ZNF707: variants seen among roughly 807,000 people sequenced by gnomAD.
ZNF707 encodes the protein zinc finger protein 707.
A neutral mutation model predicts 13.3 loss-of-function variants in ZNF707; 8 were observed. The observed-to-expected ratio is 0.60, with a 90% CI of 0.35 to 1.09. The LOEUF (loss-of-function observed/expected upper bound fraction) is 1.09, where lower values mean the gene tolerates loss of function less well. ZNF707 is among the 50% of genes least tolerant of loss of function. The pLI, the probability that ZNF707 is intolerant of heterozygous loss-of-function variation, is 0.02. For synonymous variants in ZNF707, 225 were observed against 205.6 expected, an observed-to-expected ratio of 1.09 and a Z score of -0.81; for missense variants, 530 against 512.6, an observed-to-expected ratio of 1.03 and a Z score of -0.33.
intron 5 of ZNF707, among the ~76,000 whole-genome samples, chr8:143,692,520 G>C (rs4875040): frequency 1.2e-3 from 73 of 63,090 alleles, no homozygotes; most frequent in African/African-American, 4.8e-3. Context: ...GGAGGTGTCG[G>C]ATCCCCGGGT....
intron 3 of ZNF707, chr8:143,690,847 T>C: frequency 1.7e-6 from 1 of 589,176 alleles, no homozygotes; most frequent in Non-Finnish European, 2.9e-6. Context: ...ACCAGGTCCA[T>C]GGGTCAGGGC....
At chr8:143,689,732 G>T (rs1816629564) in intron 2 of ZNF707, among the ~76,000 whole-genome samples, 1 of 152,214 alleles carries the variant, frequency 6.6e-6, no homozygotes, top group Non-Finnish European at 1.5e-5. Flanking sequence ...TCATGTGTTT[G>T]CAGCTAAGCT....
intron 5 of ZNF707, among the ~76,000 whole-genome samples, chr8:143,692,919 T>C (rs181583459): frequency 1.3e-5 from 2 of 152,160 alleles, no homozygotes; most frequent in African/African-American, 4.8e-5. Context: ...AAGGGAGCCA[T>C]GGCTCTGAGG....
chr8:143,690,170 C>G, intron 3 of ZNF707, 47 bp downstream of exon 3: 1 of 1,599,040 alleles, frequency 6.3e-7, no homozygotes, highest in Non-Finnish European at 8.5e-7. Context: ...GCCCTGCTGG[C>G]TGCCTGAGAC....
intron 5 of ZNF707, chr8:143,692,205 C>T: frequency 7.7e-7 from 1 of 1,291,694 alleles, no homozygotes; most frequent in Non-Finnish European, 1.0e-6. Context: ...GCTCTTGGGG[C>T]AGTTGTCAGC....
In ZNF707 at chr8:143,694,457, A is replaced by T; in HGVS notation, c.1043A>T (p.His348Leu). The T allele has an allele frequency of 6.2e-7, 1 of 1,612,082 alleles. No homozygotes were observed. Among genetic ancestry groups the T allele is most frequent in the Admixed American group, 1.7e-5 (1 of 59,972 alleles). ...ACGAAGAGGTTCTACGAGTGCGGCC[A>T]CTGTGGGAAAGGCTTCCGTCACCTG... The part of the protein sequence containing the change: ...HLTKRFYECG[H>L]CGKGFRHLGF... Residue 348 changes from histidine (H) to leucine (L), a missense_variant, in exon 6 of 6, where the codon CAC (histidine) becomes CTC (leucine). His to Leu is a moderately conservative substitution (Grantham distance 99). Transcript: ENST00000358656. This position sits in a 1 kb window ranked among gnomAD's most constrained non-coding sequence, Gnocchi z 4.4.
chr8:143,691,466 G>T (rs1816804988), intron 4 of ZNF707, 134 bp from the exon 5 acceptor site: 3 of 1,097,204 alleles, frequency 2.7e-6, no homozygotes, highest in Non-Finnish European at 3.9e-6. Context: ...TGTCATCTCT[G>T]CTTTGGGGTG....
chr8:143,691,452 T>G (rs1587390812), intron 4 of ZNF707, 148 bp from the exon 5 acceptor site: 1 of 1,054,082 alleles, frequency 9.5e-7, no homozygotes, highest in Non-Finnish European at 1.3e-6. Flanking sequence ...GGCCCCTCCC[T>G]TCCTGTCATC....
chr8:143,691,346 G>T, intron 4 of ZNF707, 147 bp downstream of exon 4: 1 of 1,356,250 alleles, frequency 7.4e-7, no homozygotes, highest in South Asian at 1.6e-5. Context: ...TATGTAGACA[G>T]AGGGGCCCAC....
rs184191555 is a variant in ZNF707, at chr8:143,684,853, C to T, written c.-151+311C>T. 9.6e-3 allele frequency: 1,465 copies of T among 152,380 alleles called. 16 individuals carry two copies. Among genetic ancestry groups the T allele is most frequent in the Non-Finnish European group, 0.016 (1,083 of 68,080 alleles). The allele number at this position is 152,380 out of a possible 1,614,324, so 9.4% of individuals were successfully genotyped here. On this transcript the variant is annotated intron_variant, in intron 1 of 5. Coordinates refer to ENST00000358656, the MANE Select transcript of ZNF707 (RefSeq NM_001100598.2). ...CTTAGTTATCCCTCATAGACACTTTCCACACCTGTGTCTCCAGCCCTATCG... is the reference window on the plus strand; with the variant it reads ...CTTAGTTATCCCTCATAGACACTTTTCACACCTGTGTCTCCAGCCCTATCG...
At chr8:143,689,108 T>TA (rs1375643612) in intron 1 of ZNF707, 96 bp from the exon 2 acceptor site, 7 of 152,252 alleles carry the variant, frequency 4.6e-5, no homozygotes, top group Non-Finnish European at 1.5e-5. Context: ...GGGTTCCAGT[T>TA]ACATTTTCAA....
intron 3 of ZNF707, 73 bp downstream of exon 3, chr8:143,690,196 G>A (rs1816677450): frequency 6.3e-7 from 1 of 1,578,932 alleles, no homozygotes; most frequent in Admixed American, 1.7e-5. Flanking sequence ...CACACACGCG[G>A]GGAGGGTCTG....
intron 5 of ZNF707, chr8:143,691,942 C>G (rs1816846798): frequency 8.0e-7 from 1 of 1,253,326 alleles, no homozygotes; most frequent in African/African-American, 1.5e-5. Context: ...TGCAGGATGA[C>G]ATACAGCTGC....
chr8:143,685,676 C>CA (rs1440296146), intron 1 of ZNF707, among the ~76,000 whole-genome samples: 1 of 152,024 alleles, frequency 6.6e-6, no homozygotes, highest in African/African-American at 2.4e-5. Flanking sequence ...CCCGTTTCTG[C>CA]AAAAAACTTA....
Position 143,693,539 on chromosome 8 carries a change from C to T in ZNF707, c.257-132C>T, listed in dbSNP as rs1288214977. The T allele has an allele frequency of 1.3e-5, 13 of 1,006,684 alleles. No individual in the cohort carries two copies. The highest frequency in any genetic ancestry group is 5.8e-5 in the East Asian group (2 of 34,510). The allele number at this position is 1,006,684 out of a possible 1,614,324, so 62.4% of individuals were successfully genotyped here. On this transcript the variant is annotated intron_variant, in intron 5 of 5. Transcript: ENST00000358656. The surrounding 1 kb of genome is among the most constrained non-coding windows in gnomAD (Gnocchi z 4.1). ...CTCGATCTCCTGACCTCATGATCCA[C>T]CCGCCTCGGCCTCCCAAAGTGCTGG...
At chr8:143,692,182 T>C in intron 5 of ZNF707, 2 of 1,291,536 alleles carry the variant, frequency 1.5e-6, no homozygotes, top group Non-Finnish European at 2.0e-6. Flanking sequence ...CTTCCCTCCA[T>C]TAGGTGAGGG....
At chr8:143,691,221 C>G in intron 4 of ZNF707, 22 bp downstream of exon 4, 1 of 1,598,322 alleles carries the variant, frequency 6.3e-7, no homozygotes, top group Non-Finnish European at 8.5e-7. Context: ...CTGAGCGCAG[C>G]GTGAGCACAG....
At chr8:143,690,324 C>G in intron 3 of ZNF707, 1 of 613,184 alleles carries the variant, frequency 1.6e-6, no homozygotes, top group Non-Finnish European at 2.8e-6. Flanking sequence ...GTAATCCTAG[C>G]ACTTTGGGAG....
At position 143,694,812 on chromosome 8, in the gene ZNF707, C is replaced by A; in HGVS notation, c.*282C>A. On this transcript the variant is annotated 3_prime_UTR_variant, in exon 6 of 6. Transcript: ENST00000358656. The surrounding 1 kb of genome is among the most constrained non-coding windows in gnomAD (Gnocchi z 4.4). ...GATGTGCTGAGAGTGTGCGCGACCC[C>A]GGAGCCACGTGCCAGGCCGGGCTCA... is the stretch of plus-strand genomic sequence containing the variant. 8.2e-6 allele frequency: 3 copies of A among 364,230 alleles called. No individual in the cohort carries two copies. Among genetic ancestry groups the A allele is most frequent in the Non-Finnish European group, 1.5e-5 (3 of 203,978 alleles). The allele number at this position is 364,230 out of a possible 1,614,324, so 22.6% of individuals were successfully genotyped here.
Sources: allele counts gnomAD v4.1 joint callset (sites outside exome capture counted in the v4.1 genomes callset), GRCh38; gene constraint gnomAD v4.1.1; non-coding constraint Gnocchi (gnomAD v3.1); transcripts MANE v1.5; gene names NCBI Gene and HGNC (gene_info 2026-07-23, HGNC 2026-07-21).